Variants in BICC1 observed in about 807,000 individuals in gnomAD.
The protein encoded by BICC1 is protein bicaudal C homolog 1.
A neutral mutation model predicts 111.0 loss-of-function variants in BICC1; 43 were observed. That is an observed-to-expected ratio of 0.39 (90% confidence interval 0.30 to 0.50). BICC1 has a LOEUF of 0.50. Among genes scored for constraint, BICC1 ranks in the 20% least tolerant of loss-of-function variants. The pLI is 0.88. For synonymous variants in BICC1, 467 were observed against 434.4 expected (o/e 1.07, Z -0.93); for missense variants, 1,091 against 1,203.2 (o/e 0.91, Z 1.38).
intron 1 of BICC1, among the ~76,000 whole-genome samples, chr10:58,544,454 A>G (rs1399211843): frequency 6.6e-6 from 1 of 152,128 alleles, no homozygotes; most frequent in Non-Finnish European, 1.5e-5. Flanking sequence ...GTTACACTGT[A>G]ATCTTTACCT....
intron 2 of BICC1, among the ~76,000 whole-genome samples, chr10:58,693,428 ATC>A (rs1418798796): frequency 1.4e-4 from 21 of 152,150 alleles, no homozygotes; most frequent in Non-Finnish European, 2.4e-4. Context: ...TCCTTGAGGA[ATC>A]GCCACACTGA....
In BICC1 at chr10:58,759,492, T is replaced by C. The variant is rs114140278; in HGVS notation, c.308-25509T>C. On this transcript the variant is annotated intron_variant, in intron 3 of 20. Transcript: ENST00000373886. ...AGCTCTGGGTATTTATTGTATGTAT[T>C]TGTATAGTGGCATAAAACATTCTTT... Among the ~76,000 whole-genome samples the C allele has an allele frequency of 6.5e-3, 990 of 152,212 alleles. 12 individuals carry two copies. The highest frequency in any genetic ancestry group is 0.023 in the African/African-American group (937 of 41,524).
At chr10:58,698,621 C>T (rs1840136145) in intron 2 of BICC1, among the ~76,000 whole-genome samples, 1 of 152,120 alleles carries the variant, frequency 6.6e-6, no homozygotes, top group Non-Finnish European at 1.5e-5. Context: ...ATTCTGAGCT[C>T]CTGCAAGGTA....
intron 1 of BICC1, among the ~76,000 whole-genome samples, chr10:58,531,369 T>C (rs1442371744): frequency 6.6e-6 from 1 of 151,750 alleles, no homozygotes; most frequent in African/African-American, 2.4e-5. Flanking sequence ...ACACATAGGC[T>C]CAGAAAAAAT....
intron 2 of BICC1, among the ~76,000 whole-genome samples, chr10:58,658,182 A>T (rs151236472): frequency 6.6e-6 from 1 of 152,280 alleles, no homozygotes; most frequent in East Asian, 1.9e-4. Context: ...CGGAGCTTTC[A>T]TTAACAGCTC....
intron 1 of BICC1, among the ~76,000 whole-genome samples, chr10:58,541,786 G>A (rs894696225): frequency 1.1e-4 from 17 of 152,078 alleles, no homozygotes; most frequent in Middle Eastern, 3.4e-3. Flanking sequence ...TCGAAACCTC[G>A]TATGTCCTGA....
At chr10:58,554,817 G>T (rs199947482) in intron 1 of BICC1, among the ~76,000 whole-genome samples, 14 of 149,372 alleles carry the variant, frequency 9.4e-5, no homozygotes, top group Admixed American at 8.7e-4. Context: ...TGCCTCTCTA[G>T]CCTTGTTAGA....
At chr10:58,564,160 T>G (rs1843688507) in intron 1 of BICC1, among the ~76,000 whole-genome samples, 1 of 152,244 alleles carries the variant, frequency 6.6e-6, no homozygotes, top group South Asian at 2.1e-4. Flanking sequence ...TTGGTCACTC[T>G]TCTTTTTCCT....
At chr10:58,622,581 A>G (rs1588941234) in intron 2 of BICC1, among the ~76,000 whole-genome samples, 1 of 152,340 alleles carries the variant, frequency 6.6e-6, no homozygotes, top group East Asian at 1.9e-4. Flanking sequence ...AGATGGGAGT[A>G]CATTTTATCT....
intron 3 of BICC1, among the ~76,000 whole-genome samples, chr10:58,769,790 T>C (rs1842573412): frequency 6.6e-6 from 1 of 152,080 alleles, no homozygotes; most frequent in Non-Finnish European, 1.5e-5. Flanking sequence ...CTGTACCTTA[T>C]TTATATTTTA....
chr10:58,557,321 A>G (rs1843477945), intron 1 of BICC1, among the ~76,000 whole-genome samples: 1 of 146,950 alleles, frequency 6.8e-6, no homozygotes, highest in Non-Finnish European at 1.5e-5. Flanking sequence ...GGTTTTAAGC[A>G]ATTTAGTGAT....
chr10:58,620,222 A>G (rs1845757130), intron 1 of BICC1, among the ~76,000 whole-genome samples: 1 of 152,132 alleles, frequency 6.6e-6, no homozygotes, highest in African/African-American at 2.4e-5. Context: ...TTTGTCTTGT[A>G]TTTATGGGCT....
Position 58,673,572 on chromosome 10 carries a change from GGTAGT to G in BICC1, c.238-28501_238-28497del, listed in dbSNP as rs1261955488. ...GTGGAGCACAAGCTTTTATGATTCT[GGTAGT>G]AGCACCATCTACTCACTTTGAGTAT... On this transcript the variant is annotated intron_variant, in intron 2 of 20. Transcript: ENST00000373886. Among the ~76,000 whole-genome samples, 9 of 152,192 alleles carry G rather than the reference GGTAGT, an allele frequency of 5.9e-5. No homozygotes were observed. The East Asian group carries it at 1.7e-3, about 29-fold the overall frequency.
At chr10:58,633,762 G>T (rs963110030) in intron 2 of BICC1, among the ~76,000 whole-genome samples, 63 of 152,100 alleles carry the variant, frequency 4.1e-4, no homozygotes, top group Admixed American at 4.0e-3. Context: ...AGAGACAAAT[G>T]ATTCAAATTT....
intron 1 of BICC1, among the ~76,000 whole-genome samples, chr10:58,530,389 G>T (rs1166788791): frequency 1.3e-5 from 2 of 151,856 alleles, no homozygotes; most frequent in Non-Finnish European, 2.9e-5. Context: ...AGAGGCATTG[G>T]TCTGTCAGCT....
chr10:58,814,876 C>T (rs1250618163), intron 18 of BICC1, among the ~76,000 whole-genome samples: 2 of 151,984 alleles, frequency 1.3e-5, no homozygotes, highest in Non-Finnish European at 2.9e-5. Context: ...CGGGTGGCTA[C>T]TAAAGGTGAA....
chr10:58,596,069 A>G (rs1032812996), intron 1 of BICC1, among the ~76,000 whole-genome samples: 7 of 152,260 alleles, frequency 4.6e-5, no homozygotes, highest in Non-Finnish European at 7.3e-5. Flanking sequence ...CTATCAGAGA[A>G]TAGTATAAAC....
At chr10:58,754,646 G>A (rs1332256144) in intron 3 of BICC1, among the ~76,000 whole-genome samples, 2 of 152,166 alleles carry the variant, frequency 1.3e-5, no homozygotes, top group Non-Finnish European at 2.9e-5. Flanking sequence ...TTTCTGGGGT[G>A]GGTGGTCTCC....
At chr10:58,794,519 G>C (rs952733706) in intron 9 of BICC1, among the ~76,000 whole-genome samples, 1 of 151,724 alleles carries the variant, frequency 6.6e-6, no homozygotes, top group Non-Finnish European at 1.5e-5. Context: ...CCTGAGCTCA[G>C]GTGGTTCTCC....
Sources: gnomAD v4.1 joint callset for allele counts (sites outside exome capture counted in the v4.1 genomes callset) on GRCh38, gnomAD v4.1.1 for gene constraint, MANE v1.5 for transcripts, NCBI Gene and HGNC (gene_info 2026-07-23, HGNC 2026-07-21) for gene names.